The following NRDC variants were observed in gnomAD, a reference collection of about 807,000 sequenced individuals.
The protein encoded by NRDC is nardilysin convertase.
In NRDC, 54 loss-of-function variants were observed where a neutral mutation model predicts 147.1. The observed-to-expected ratio is 0.37, with a 90% CI of 0.29 to 0.46. The LOEUF (loss-of-function observed/expected upper bound fraction) is 0.46. Among genes scored for constraint, NRDC ranks in the 20% least tolerant of loss-of-function variants. The pLI is 1.00. For missense variants in NRDC, 1,082 were observed against 1,370.6 expected, an observed-to-expected ratio of 0.79 and a Z score of 3.33; for synonymous variants, 440 against 482.1, an observed-to-expected ratio of 0.91 and a Z score of 1.14.
chr1:51,878,198 G>T, intron 1 of NRDC, 77 bp downstream of exon 1: 1 of 1,496,880 alleles, frequency 6.7e-7, no homozygotes, highest in Non-Finnish European at 9.1e-7. Flanking sequence ...GGGAGACATG[G>T]AGACAAGAAG....
At chr1:51,794,888 C>T in intron 22 of NRDC, 34 bp from the exon 23 acceptor site, 3 of 1,611,594 alleles carry the variant, frequency 1.9e-6, no homozygotes, top group Non-Finnish European at 2.5e-6. Flanking sequence ...ACATTAAGCT[C>T]TCTAGACATT....
At chr1:51,851,396 G>A (rs1209363463) in intron 1 of NRDC, among the ~76,000 whole-genome samples, 1 of 151,624 alleles carries the variant, frequency 6.6e-6, no homozygotes, top group Non-Finnish European at 1.5e-5. Flanking sequence ...CCTGGCCAAG[G>A]CATTAAAGGT....
At chr1:51,853,971 T>C (rs1290450490) in intron 1 of NRDC, among the ~76,000 whole-genome samples, 1 of 152,174 alleles carries the variant, frequency 6.6e-6, no homozygotes, top group Non-Finnish European at 1.5e-5. Flanking sequence ...CATAACCAAA[T>C]GTGTGTTAAA....
chr1:51,796,038 C>A (rs554964201), intron 22 of NRDC, among the ~76,000 whole-genome samples: 1 of 152,062 alleles, frequency 6.6e-6, no homozygotes, highest in African/African-American at 2.4e-5. Flanking sequence ...CATTGCTACA[C>A]CCAGCTAATT....
intron 1 of NRDC, among the ~76,000 whole-genome samples, chr1:51,861,250 G>A (rs1322130317): frequency 7.4e-6 from 1 of 134,962 alleles, no homozygotes; most frequent in Non-Finnish European, 1.5e-5. Context: ...GCACCCGGCT[G>A]CCCAAGTGGT....
chr1:51,837,852 T>A (rs1681062393), intron 2 of NRDC, among the ~76,000 whole-genome samples: 1 of 152,238 alleles, frequency 6.6e-6, no homozygotes, highest in Non-Finnish European at 1.5e-5. Flanking sequence ...AGTTAACTTC[T>A]TAATTAGGTA....
chr1:51,836,122 A>C lies in NRDC; in HGVS notation c.712+9T>G, dbSNP rs1453203868. On this transcript the variant is annotated intron_variant, in intron 3 of 30. Coordinates refer to ENST00000352171, the MANE Select transcript of NRDC (RefSeq NM_001101662.2). ...AACACACCAGGAATGATATTTTACA[A>C]ATTCTTACTGTGCTCCAAAAAGTGT... is the stretch of plus-strand genomic sequence containing the variant. 1 of 1,612,474 alleles carries C rather than the reference A, an allele frequency of 6.2e-7. No individual in the cohort carries two copies. The highest frequency in any genetic ancestry group is 8.5e-7 in the Non-Finnish European group (1 of 1,178,616).
chr1:51,844,980 T>C (rs1681481333), intron 1 of NRDC, among the ~76,000 whole-genome samples: 2 of 152,140 alleles, frequency 1.3e-5, no homozygotes, highest in Admixed American at 1.3e-4. Context: ...ATGGCAGCCT[T>C]AGCAAATTAA....
chr1:51,830,803 T>G (rs987373421), intron 4 of NRDC, among the ~76,000 whole-genome samples: 1 of 152,236 alleles, frequency 6.6e-6, no homozygotes, highest in African/African-American at 2.4e-5. Context: ...GCTCACTTAC[T>G]TAACTGGAGT....
At position 51,814,062 on chromosome 1, in the gene NRDC, C is replaced by T. The variant is rs762280465; in HGVS notation, c.1647G>A (p.Glu549=). The T allele has an allele frequency of 2.5e-6, 4 of 1,603,912 alleles. No individual in the cohort carries two copies. Among genetic ancestry groups the T allele is most frequent in the East Asian group, 2.2e-5 (1 of 44,754 alleles). ...KRIFEEIRKI[E]DNEFHYQEQT... The stretch of plus-strand genomic sequence containing the variant: ...GTTCTTGGTAATGAAATTCATTATC[C>T]TCAATTTTCCGAATCTCTTCAAAAA... The change falls in exon 14 of 31, where the codon GAG becomes GAA. Residue 549 remains glutamate, a synonymous_variant. Coordinates refer to ENST00000352171, the MANE Select transcript of NRDC (RefSeq NM_001101662.2).
At chr1:51,835,349 C>T (rs945409423) in intron 3 of NRDC, among the ~76,000 whole-genome samples, 8 of 151,976 alleles carry the variant, frequency 5.3e-5, no homozygotes, top group Non-Finnish European at 1.0e-4. Context: ...GAGTGAGCCA[C>T]CGCGCCCGGC....
intron 3 of NRDC, 147 bp downstream of exon 3, chr1:51,835,984 T>C: frequency 1.5e-6 from 1 of 661,376 alleles, no homozygotes; most frequent in South Asian, 1.9e-5. Flanking sequence ...CCCACGATAT[T>C]CATAAATCAA....
chr1:51,873,845 T>C (rs1318430214), intron 1 of NRDC, among the ~76,000 whole-genome samples: 1 of 151,864 alleles, frequency 6.6e-6, no homozygotes. Flanking sequence ...TCCTCACTTG[T>C]AACAGTCTGA....
intron 1 of NRDC, among the ~76,000 whole-genome samples, chr1:51,874,056 C>G (rs540053381): frequency 6.7e-6 from 1 of 149,832 alleles, no homozygotes; most frequent in Non-Finnish European, 1.5e-5. Context: ...AAAAATTAGC[C>G]GGACATGGTG....
At chr1:51,799,173 G>A (rs1557899292) in intron 21 of NRDC, 2 of 152,106 alleles carry the variant, frequency 1.3e-5, no homozygotes, top group Non-Finnish European at 2.9e-5. Flanking sequence ...GCTATTCACC[G>A]TATCAATGGT....
At chr1:51,861,156 G>T (rs1465197008) in intron 1 of NRDC, among the ~76,000 whole-genome samples, 1 of 151,448 alleles carries the variant, frequency 6.6e-6, no homozygotes, top group Non-Finnish European at 1.5e-5. Flanking sequence ...CACCACGTTG[G>T]CCAGGCTGGT....
chr1:51,878,340 C>G lies in NRDC; in HGVS notation c.276G>C (p.Arg92Ser). ...GADESEEEGR[R>S]GSLSNAGDPE... ...GGTCCCCAGCATTACTGAGAGACCC[C>G]CTCCGTCCCTCTTCCTCAGATTCAT... Residue 92 changes from arginine to serine, a missense_variant, in exon 1 of 31, where the codon AGG becomes AGC. Physicochemically the swap from Arg to Ser is moderately radical, Grantham distance 110. Coordinates refer to ENST00000352171, the MANE Select transcript of NRDC (RefSeq NM_001101662.2). 1 of 1,614,164 alleles carries G rather than the reference C, an allele frequency of 6.2e-7. No individual in the cohort carries two copies. Among genetic ancestry groups the G allele is most frequent in the Admixed American group, 1.7e-5 (1 of 60,010 alleles).
chr1:51,829,277 C>T (rs1325573117), intron 4 of NRDC, among the ~76,000 whole-genome samples: 1 of 152,184 alleles, frequency 6.6e-6, no homozygotes, highest in African/African-American at 2.4e-5. Context: ...AGCTGCTGGG[C>T]TCAAGTGATC....
intron 4 of NRDC, among the ~76,000 whole-genome samples, chr1:51,830,719 C>T (rs1680670316): frequency 6.6e-6 from 1 of 152,126 alleles, no homozygotes; most frequent in East Asian, 1.9e-4. Flanking sequence ...TCACTCTTAC[C>T]ATGAAATACT....
Sources: allele counts gnomAD v4.1 joint callset (sites outside exome capture counted in the v4.1 genomes callset), GRCh38; gene constraint gnomAD v4.1.1; transcripts MANE v1.5; gene names NCBI Gene and HGNC (gene_info 2026-07-23, HGNC 2026-07-21).